JAZF1: variants seen among roughly 807,000 people sequenced by gnomAD.
JAZF1 encodes juxtaposed with another zinc finger protein 1.
In JAZF1, 8 loss-of-function variants were observed where a neutral mutation model predicts 26.4. The observed-to-expected ratio is 0.30, with a 90% CI of 0.18 to 0.55. JAZF1 has a LOEUF of 0.55. Among genes scored for constraint, JAZF1 ranks in the 20% least tolerant of loss-of-function variants. JAZF1 has a pLI of 0.94. For missense variants in JAZF1, 199 were observed against 322.0 expected (o/e 0.62, Z 2.92); for synonymous variants, 126 against 122.3 (o/e 1.03, Z -0.20).
At chr7:28,117,815 G>A (rs181107829) in intron 1 of JAZF1, among the ~76,000 whole-genome samples, 1 of 152,272 alleles carries the variant, frequency 6.6e-6, no homozygotes, top group East Asian at 1.9e-4. Flanking sequence ...GCAGATGCTT[G>A]ACTTGAAGAG....
chr7:27,867,806 T>C (rs989430676), intron 3 of JAZF1, among the ~76,000 whole-genome samples: 1 of 152,228 alleles, frequency 6.6e-6, no homozygotes, highest in African/African-American at 2.4e-5. Context: ...CTGCTCCCAG[T>C]GCCATTCATG....
intron 1 of JAZF1, among the ~76,000 whole-genome samples, chr7:28,060,675 G>GTT (rs892820733): frequency 3.3e-5 from 5 of 152,156 alleles, no homozygotes; most frequent in Non-Finnish European, 7.4e-5. Flanking sequence ...GGAGTCTCAG[G>GTT]TTTTTTTCTA....
At chr7:27,983,227 G>C (rs572207660) in intron 2 of JAZF1, among the ~76,000 whole-genome samples, 1 of 152,278 alleles carries the variant, frequency 6.6e-6, no homozygotes, top group East Asian at 1.9e-4. Context: ...TGGCTAACTA[G>C]AATAAATAGT....
intron 2 of JAZF1, among the ~76,000 whole-genome samples, chr7:27,987,917 C>A (rs772417599): frequency 6.6e-6 from 1 of 152,150 alleles, no homozygotes; most frequent in Non-Finnish European, 1.5e-5. Flanking sequence ...GAAACACGTG[C>A]TGTGTCAACT....
chr7:28,001,232 A>T (rs192147735), intron 1 of JAZF1, among the ~76,000 whole-genome samples: 23 of 152,074 alleles, frequency 1.5e-4, no homozygotes, highest in Admixed American at 1.1e-3. Context: ...CGTGCCTGTA[A>T]TCCCAGCTAC....
intron 2 of JAZF1, among the ~76,000 whole-genome samples, chr7:27,934,559 T>C (rs979490661): frequency 2.0e-5 from 3 of 152,164 alleles, no homozygotes; most frequent in Admixed American, 2.0e-4. Context: ...GTTTGACAGA[T>C]GGTACACCTT....
intron 1 of JAZF1, among the ~76,000 whole-genome samples, chr7:28,169,909 T>C (rs895445878): frequency 2.0e-5 from 3 of 152,156 alleles, no homozygotes; most frequent in African/African-American, 7.2e-5. Flanking sequence ...AAACGAGTGC[T>C]TCAATTTTAA....
chr7:27,957,714 C>T, intron 2 of JAZF1, among the ~76,000 whole-genome samples: 1 of 152,188 alleles, frequency 6.6e-6, no homozygotes, highest in South Asian at 2.1e-4. Flanking sequence ...AATGAATTCA[C>T]AGTCTGTTTC....
intron 1 of JAZF1, among the ~76,000 whole-genome samples, chr7:28,098,239 C>T (rs184931116): frequency 1.3e-5 from 2 of 152,108 alleles, no homozygotes; most frequent in African/African-American, 4.8e-5. Context: ...GTGGACGTAG[C>T]GAGAAGACAG....
At chr7:28,124,575 T>G (rs1295525482) in intron 1 of JAZF1, among the ~76,000 whole-genome samples, 3 of 152,208 alleles carry the variant, frequency 2.0e-5, no homozygotes, top group Non-Finnish European at 4.4e-5. Flanking sequence ...AGAACTTGAC[T>G]GCAGGGCCAT....
chr7:27,845,628 C>T (rs1783010129), intron 3 of JAZF1, among the ~76,000 whole-genome samples: 1 of 143,936 alleles, frequency 6.9e-6, no homozygotes, highest in Non-Finnish European at 1.5e-5. Flanking sequence ...ACCCGGGAGG[C>T]AGAGGTTGCA....
chr7:28,007,542 C>T (rs1319100777), intron 1 of JAZF1, among the ~76,000 whole-genome samples: 1 of 151,768 alleles, frequency 6.6e-6, no homozygotes, highest in Non-Finnish European at 1.5e-5. Context: ...GCACTCCAGC[C>T]TGGGCAACAG....
At chr7:28,151,816 T>A (rs1159204396) in intron 1 of JAZF1, among the ~76,000 whole-genome samples, 1 of 151,748 alleles carries the variant, frequency 6.6e-6, no homozygotes, top group Admixed American at 6.6e-5. Context: ...GAGGATAAAA[T>A]CTTTTAATTT....
chr7:27,882,849 G>A (rs1439890130), intron 3 of JAZF1, among the ~76,000 whole-genome samples: 1 of 152,160 alleles, frequency 6.6e-6, no homozygotes, highest in African/African-American at 2.4e-5. Context: ...GGGGTGTGGA[G>A]AAAAGGTGTC....
rs78806487 is a variant in JAZF1 at position 27,948,865 on chromosome 7, G to A, written c.188+43044C>T. Among the ~76,000 whole-genome samples the A allele has an allele frequency of 6.8e-3, 1,032 of 152,252 alleles. 18 individuals are homozygous for A. Among genetic ancestry groups the A allele is most frequent in the African/African-American group, 0.024 (977 of 41,518 alleles). On this transcript the variant is annotated intron_variant, in intron 2 of 4. Transcript: ENST00000283928. ...TTGCTTCATTCTACATTTGTGCAGCGTTCTACCCTATGTCAGTGATTAGAA... is the reference window on the plus strand; with the variant it reads ...TTGCTTCATTCTACATTTGTGCAGCATTCTACCCTATGTCAGTGATTAGAA...
At chr7:28,063,634 A>C (rs1354879245) in intron 1 of JAZF1, among the ~76,000 whole-genome samples, 4 of 152,178 alleles carry the variant, frequency 2.6e-5, no homozygotes, top group African/African-American at 9.6e-5. Context: ...GTGGGCTCTT[A>C]ATTGTAAAAG....
intron 2 of JAZF1, among the ~76,000 whole-genome samples, chr7:27,899,565 G>C (rs1784131589): frequency 6.6e-6 from 1 of 151,962 alleles, no homozygotes; most frequent in Non-Finnish European, 1.5e-5. Context: ...CTCCCAAGTA[G>C]CTGAGACTAC....
chr7:28,087,343 T>C (rs1279131908), intron 1 of JAZF1, among the ~76,000 whole-genome samples: 1 of 152,054 alleles, frequency 6.6e-6, no homozygotes, highest in Non-Finnish European at 1.5e-5. Flanking sequence ...TCATATTCCA[T>C]TTAATTTCAG....
At chr7:27,957,190 G>T (rs914958475) in intron 2 of JAZF1, among the ~76,000 whole-genome samples, 1 of 152,114 alleles carries the variant, frequency 6.6e-6, no homozygotes, top group East Asian at 1.9e-4. Flanking sequence ...TGACCTTCAG[G>T]AACAGCAGCC....
Sources: allele counts gnomAD v4.1 joint callset (sites outside exome capture counted in the v4.1 genomes callset), GRCh38; gene constraint gnomAD v4.1.1; transcripts MANE v1.5; gene names NCBI Gene and HGNC (gene_info 2026-07-23, HGNC 2026-07-21).